Variants in MAN1A2 observed in about 807,000 individuals in gnomAD.
MAN1A2 encodes mannosidase alpha class 1A member 2, also known as mannosyl-oligosaccharide 1,2-alpha-mannosidase IB.
In MAN1A2, 26 loss-of-function variants were observed where a neutral mutation model predicts 75.7. That is an observed-to-expected ratio of 0.34 (90% CI 0.25 to 0.48). The LOEUF is 0.48. Among genes scored for constraint, MAN1A2 ranks in the 20% least tolerant of loss-of-function variants. The pLI is 0.99. For missense variants in MAN1A2, 562 were observed against 775.5 expected (o/e 0.72, Z 3.27); for synonymous variants, 247 against 264.6 (o/e 0.93, Z 0.65).
rs766424799 is a variant in MAN1A2, at chr1:117,423,768, C to T, written c.855+3119C>T. Among the ~76,000 whole-genome samples the T allele has an allele frequency of 3.3e-5, 5 of 151,986 alleles. No individual in the cohort carries two copies. In the East Asian group the frequency reaches 5.8e-4, roughly 18 times the overall value. ...TCATTTTAAAAAAGTGCTAAAGGTA[C>T]ACAACATAAAATTTACCATTTTAAC... On this transcript the variant is annotated intron_variant, in intron 5 of 12. Coordinates refer to ENST00000356554, the MANE Select transcript of MAN1A2 (RefSeq NM_006699.5).
At chr1:117,405,728 A>G (rs1156603999) in intron 3 of MAN1A2, 83 bp downstream of exon 3, 2 of 830,406 alleles carry the variant, frequency 2.4e-6, no homozygotes, top group Non-Finnish European at 4.1e-6. Flanking sequence ...AGTACTTTCT[A>G]AAATCTGAGT....
chr1:117,478,243 T>C (rs1650382590), intron 8 of MAN1A2, among the ~76,000 whole-genome samples: 1 of 151,992 alleles, frequency 6.6e-6, no homozygotes, highest in Admixed American at 6.6e-5. Context: ...ATGAATTATC[T>C]GATCAAATCT....
At chr1:117,489,569 G>A (rs909709540) in intron 8 of MAN1A2, among the ~76,000 whole-genome samples, 1 of 151,910 alleles carries the variant, frequency 6.6e-6, no homozygotes, top group African/African-American at 2.4e-5. Context: ...TGTTACGTAT[G>A]TTGCACATTT....
At chr1:117,375,844 C>CA (rs1442703477) in intron 1 of MAN1A2, among the ~76,000 whole-genome samples, 1 of 151,816 alleles carries the variant, frequency 6.6e-6, no homozygotes, top group Non-Finnish European at 1.5e-5. Flanking sequence ...TTTAAGAGTT[C>CA]AGATAAGTTA....
chr1:117,390,083 GAT>G (rs1653668208), intron 1 of MAN1A2, among the ~76,000 whole-genome samples: 2 of 151,984 alleles, frequency 1.3e-5, no homozygotes, highest in Non-Finnish European at 2.9e-5. Flanking sequence ...GTTTATGAGG[GAT>G]ATTAGTTTGT....
At chr1:117,506,273 T>C (rs986183490) in intron 12 of MAN1A2, among the ~76,000 whole-genome samples, 8 of 151,566 alleles carry the variant, frequency 5.3e-5, no homozygotes, top group African/African-American at 1.9e-4. Flanking sequence ...GTGTTTTAGC[T>C]ACCAGAGATG....
At chr1:117,444,047 A>T (rs1649130168) in intron 6 of MAN1A2, among the ~76,000 whole-genome samples, 1 of 152,140 alleles carries the variant, frequency 6.6e-6, no homozygotes, top group Admixed American at 6.5e-5. Flanking sequence ...TACAGCAGAC[A>T]GAAACAAAAG....
In MAN1A2 at chr1:117,525,143, A is replaced by G. The variant is rs1462119810; in HGVS notation, c.*2186A>G. The G allele has an allele frequency of 1.9e-6, 1 of 527,852 alleles. No homozygotes were observed. Among genetic ancestry groups the G allele is most frequent in the African/African-American group, 1.9e-5 (1 of 51,828 alleles). 32.7% of individuals were successfully genotyped at this position (527,852 alleles called of 1,614,324 possible). On this transcript the variant is annotated 3_prime_UTR_variant, in exon 13 of 13. Transcript: ENST00000356554. ...CCCTACTTCCAAGTGCTCTATTTGT[A>G]TTACCCAGATGACTGAAGCTTAAGA... is the stretch of plus-strand genomic sequence containing the variant.
At chr1:117,369,364 G>A (rs1456920578) in intron 1 of MAN1A2, among the ~76,000 whole-genome samples, 1 of 152,088 alleles carries the variant, frequency 6.6e-6, no homozygotes, top group East Asian at 1.9e-4. Context: ...GAAAGTAGTT[G>A]ACTTTTCTTA....
At chr1:117,518,746 C>G (rs1651789979) in intron 12 of MAN1A2, among the ~76,000 whole-genome samples, 2 of 151,964 alleles carry the variant, frequency 1.3e-5, no homozygotes. Context: ...TGGAGGACTT[C>G]AGTACTCCAC....
intron 9 of MAN1A2, 120 bp from the exon 10 acceptor site, chr1:117,496,643 G>T (rs1254875664): frequency 1.5e-6 from 1 of 688,192 alleles, no homozygotes; most frequent in Non-Finnish European, 2.4e-6. Context: ...CTCAGTTTGG[G>T]AAAGTTACTA....
intron 9 of MAN1A2, chr1:117,493,697 C>T (rs1281173291): frequency 6.5e-6 from 1 of 153,282 alleles, no homozygotes; most frequent in African/African-American, 2.4e-5. Context: ...AGTAGAATCG[C>T]TTGAACCTGG....
chr1:117,466,809 G>T (rs1205314032), intron 8 of MAN1A2, among the ~76,000 whole-genome samples: 1 of 152,102 alleles, frequency 6.6e-6, no homozygotes, highest in Non-Finnish European at 1.5e-5. Flanking sequence ...GGGGGCAGTT[G>T]TTCTTGGATA....
chr1:117,475,616 T>C (rs1306068778), intron 8 of MAN1A2, among the ~76,000 whole-genome samples: 3 of 152,098 alleles, frequency 2.0e-5, no homozygotes, highest in Non-Finnish European at 4.4e-5. Context: ...CATGCAGTGT[T>C]TGGTTTTCTG....
At chr1:117,399,489 T>C (rs1461359090) in intron 1 of MAN1A2, among the ~76,000 whole-genome samples, 1 of 152,200 alleles carries the variant, frequency 6.6e-6, no homozygotes, top group East Asian at 1.9e-4. Context: ...TCCTCTGTTT[T>C]TCTGAATCTG....
chr1:117,410,319 AAG>A (rs1349968443), intron 3 of MAN1A2, among the ~76,000 whole-genome samples: 2 of 151,982 alleles, frequency 1.3e-5, no homozygotes, highest in Non-Finnish European at 2.9e-5. Context: ...AGTATAATAA[AAG>A]AGAAAAATCA....
intron 11 of MAN1A2, among the ~76,000 whole-genome samples, chr1:117,500,853 T>G (rs1651178605): frequency 6.6e-6 from 1 of 151,838 alleles, no homozygotes; most frequent in Non-Finnish European, 1.5e-5. Context: ...ACACTTCTAT[T>G]GTTAGCAGTG....
At chr1:117,376,068 C>T (rs1239978143) in intron 1 of MAN1A2, among the ~76,000 whole-genome samples, 1 of 152,026 alleles carries the variant, frequency 6.6e-6, no homozygotes, top group Non-Finnish European at 1.5e-5. Flanking sequence ...CCCGCCACCA[C>T]GCCCGGCTAT....
At chr1:117,436,862 A>C (rs1416631091) in intron 5 of MAN1A2, among the ~76,000 whole-genome samples, 1 of 152,236 alleles carries the variant, frequency 6.6e-6, no homozygotes, top group African/African-American at 2.4e-5. Flanking sequence ...CTGACCCAGT[A>C]GTCTTGTGTC....
Sources: gnomAD v4.1 joint callset for allele counts (sites outside exome capture counted in the v4.1 genomes callset) on GRCh38, gnomAD v4.1.1 for gene constraint, MANE v1.5 for transcripts, NCBI Gene and HGNC (gene_info 2026-07-23, HGNC 2026-07-21) for gene names.